The following LUC7L2 variants were observed in gnomAD, a reference collection of about 807,000 sequenced individuals.
The protein encoded by LUC7L2 is LUC7 like 2, pre-mRNA splicing factor.
Under a neutral mutation model 52.8 loss-of-function variants are expected in LUC7L2, and 25 were observed. The observed-to-expected ratio is 0.47, with a 90% CI of 0.34 to 0.66. The LOEUF (loss-of-function observed/expected upper bound fraction) is 0.66. Among genes scored for constraint, LUC7L2 ranks in the 30% least tolerant of loss-of-function variants. The pLI is 0.01. For synonymous variants in LUC7L2, 144 were observed against 160.9 expected (o/e 0.89, Z 0.80); for missense variants, 328 against 497.8 (o/e 0.66, Z 3.25).
intron 1 of LUC7L2, 67 bp from the exon 2 acceptor site, chr7:139,375,992 ATAG>A (rs2131214639): frequency 6.6e-7 from 1 of 1,521,444 alleles, no homozygotes; most frequent in East Asian, 2.3e-5. Flanking sequence ...AAAGCTAGTA[ATAG>A]TAGGGCTCTC....
In LUC7L2 at chr7:139,359,957, T is replaced by TA; in HGVS notation, c.-305_-304insA. 1 of 425,836 alleles carries TA rather than the reference T, an allele frequency of 2.3e-6. No individual in the cohort carries two copies. Among genetic ancestry groups the TA allele is most frequent in the Non-Finnish European group, 4.2e-6 (1 of 240,374 alleles). The allele number at this position is 425,836 out of a possible 1,614,324, so 26.4% of individuals were successfully genotyped here. A position where few individuals can be genotyped will look rare whatever the true frequency, so the allele number is the denominator to read the frequency against. On this transcript the variant is annotated 5_prime_UTR_variant, in exon 1 of 10. Coordinates refer to ENST00000354926, the MANE Select transcript of LUC7L2 (RefSeq NM_016019.5). ...AGCTTGAGGGGGGGTTGACGGCTTC[T>TA]GGCGGGTGGCGGTGTTGAAGGCGAG...
intron 1 of LUC7L2, among the ~76,000 whole-genome samples, chr7:139,342,518 T>G (rs953735499): frequency 6.6e-6 from 1 of 152,110 alleles, no homozygotes; most frequent in Non-Finnish European, 1.5e-5. Flanking sequence ...TTATTGTAAG[T>G]GTAATGGGAA....
intron 2 of LUC7L2, among the ~76,000 whole-genome samples, chr7:139,377,087 A>G (rs1466550412): frequency 6.6e-6 from 1 of 152,250 alleles, no homozygotes; most frequent in Admixed American, 6.5e-5. Context: ...CGGGGAAAAA[A>G]GAGCCTAAGT....
At chr7:139,341,655 C>G (rs1798974624) in intron 1 of LUC7L2, 2 of 1,429,336 alleles carry the variant, frequency 1.4e-6, no homozygotes, top group Non-Finnish European at 1.8e-6. Flanking sequence ...CTGGTTCTGA[C>G]CAAACCAACC....
intron 6 of LUC7L2, 46 bp from the exon 7 acceptor site, chr7:139,409,517 A>G: frequency 6.4e-7 from 1 of 1,563,680 alleles, no homozygotes; most frequent in Non-Finnish European, 8.7e-7. Flanking sequence ...AAGCTGTTTA[A>G]GAATGGACTC....
intron 1 of LUC7L2, among the ~76,000 whole-genome samples, chr7:139,371,773 T>G (rs1329806446): frequency 6.6e-6 from 1 of 152,182 alleles, no homozygotes; most frequent in Non-Finnish European, 1.5e-5. Flanking sequence ...TAGCAGTATT[T>G]GAGTAAAATT....
chr7:139,363,220 C>T, intron 1 of LUC7L2: 1 of 985,342 alleles, frequency 1.0e-6, no homozygotes, highest in Non-Finnish European at 1.2e-6. Context: ...AAAATCGTGC[C>T]GATGCCTGGC....
chr7:139,376,183 G>T, intron 2 of LUC7L2, 27 bp downstream of exon 2: 1 of 1,608,852 alleles, frequency 6.2e-7, no homozygotes, highest in South Asian at 1.1e-5. Context: ...TGTATTGTTA[G>T]ATTACTGATA....
chr7:139,349,897 C>G (rs11980313), intron 1 of LUC7L2, among the ~76,000 whole-genome samples: 58,834 of 152,080 alleles, frequency 0.39, 15,845 homozygotes, highest in African/African-American at 0.77. Context: ...ACACCTGTGT[C>G]ATAAATATCC....
At chr7:139,386,456 G>T (rs1274039106) in intron 2 of LUC7L2, among the ~76,000 whole-genome samples, 3 of 139,296 alleles carry the variant, frequency 2.2e-5, no homozygotes, top group Non-Finnish European at 3.0e-5. Flanking sequence ...CCAGGCTGGA[G>T]TGCAGTGGTG....
rs567735571 is a variant in LUC7L2 at position 139,404,235 on chromosome 7, C to T, written c.367-1409C>T. Among the ~76,000 whole-genome samples, 3 of 152,268 alleles carry T rather than the reference C, an allele frequency of 2.0e-5. No individual in the cohort carries two copies. The East Asian group carries it at 5.8e-4, about 29-fold the overall frequency. On this transcript the variant is annotated intron_variant, in intron 4 of 9. Coordinates refer to ENST00000354926, the MANE Select transcript of LUC7L2 (RefSeq NM_016019.5). The stretch of plus-strand genomic sequence containing the variant: ...TACCAAACTAAAACCTTCGGCCGGG[C>T]GTGGTGGCTCACACCTGTAATCCCA...
chr7:139,351,224 T>A (rs550051475), intron 1 of LUC7L2, among the ~76,000 whole-genome samples: 49 of 152,302 alleles, frequency 3.2e-4, no homozygotes, highest in African/African-American at 1.1e-3. Flanking sequence ...ACCACTTAGA[T>A]AACTCAGTTA....
At chr7:139,412,630 A>G in intron 8 of LUC7L2, 50 bp downstream of exon 8, 4 of 1,551,408 alleles carry the variant, frequency 2.6e-6, no homozygotes, top group Non-Finnish European at 3.5e-6. Flanking sequence ...GTCTTTTTCA[A>G]AGGTAGTTTT....
intron 1 of LUC7L2, among the ~76,000 whole-genome samples, chr7:139,345,333 C>G (rs1223846167): frequency 6.6e-6 from 1 of 152,176 alleles, no homozygotes; most frequent in Non-Finnish European, 1.5e-5. Flanking sequence ...TTACTAATAA[C>G]TATAGAGTGC....
At chr7:139,379,154 A>G (rs1800861165) in intron 2 of LUC7L2, among the ~76,000 whole-genome samples, 1 of 152,128 alleles carries the variant, frequency 6.6e-6, no homozygotes, top group South Asian at 2.1e-4. Context: ...TGTGCCTAAG[A>G]TCTGTCACTT....
intron 3 of LUC7L2, among the ~76,000 whole-genome samples, chr7:139,398,936 A>C (rs541033721): frequency 6.6e-6 from 1 of 152,322 alleles, no homozygotes; most frequent in African/African-American, 2.4e-5. Context: ...GAAATTAAGC[A>C]TATTCTTCCC....
chr7:139,359,200 G>C (rs1407900524), upstream of LUC7L2: 3 of 152,272 alleles, frequency 2.0e-5, no homozygotes, highest in African/African-American at 4.8e-5. Flanking sequence ...CCTGCTCCCC[G>C]AGATCGCCTC....
upstream of LUC7L2, chr7:139,359,352 T>A (rs1381228971): frequency 1.9e-5 from 3 of 155,976 alleles, no homozygotes; most frequent in Non-Finnish European, 4.2e-5. Flanking sequence ...CTCCTGAAGT[T>A]GACACTTCCC....
intron 1 of LUC7L2, chr7:139,374,587 A>G: frequency 6.6e-7 from 1 of 1,524,640 alleles, no homozygotes; most frequent in Non-Finnish European, 8.8e-7. Context: ...CGTAAACACT[A>G]AACTGAATAT....
Sources: allele counts gnomAD v4.1 joint callset (sites outside exome capture counted in the v4.1 genomes callset), GRCh38; gene constraint gnomAD v4.1.1; transcripts MANE v1.5; gene names NCBI Gene and HGNC (gene_info 2026-07-23, HGNC 2026-07-21).